Variants in SWI5 observed in about 807,000 individuals in gnomAD.
SWI5 encodes SWI5 homologous recombination repair protein, also known as DNA repair protein SWI5 homolog.
Under a neutral mutation model 17.0 loss-of-function variants are expected in SWI5, and 12 were observed. That is an observed-to-expected ratio of 0.71 (90% confidence interval 0.45 to 1.14). SWI5 has a LOEUF of 1.14. Among genes scored for constraint, SWI5 ranks in the 50% most tolerant of loss-of-function variants. SWI5 has a pLI of 0.00. For missense variants in SWI5, 158 were observed against 162.2 expected (o/e 0.97, Z 0.14); for synonymous variants, 61 against 64.0 (o/e 0.95, Z 0.22).
intron 2 of SWI5, among the ~76,000 whole-genome samples, chr9:128,277,079 C>G (rs963050627): frequency 6.6e-5 from 10 of 152,150 alleles, no homozygotes; most frequent in Admixed American, 3.3e-4. Flanking sequence ...CCTCACCCAG[C>G]CCTGCCTTTA....
At chr9:128,276,204 G>T (rs1487180438), upstream of SWI5, 1 of 1,605,102 alleles carries the variant, frequency 6.2e-7, no homozygotes, top group East Asian at 2.2e-5. Flanking sequence ...GCACGCAACC[G>T]CTGTCCCCGC....
intron 2 of SWI5, among the ~76,000 whole-genome samples, chr9:128,283,501 A>AACG (rs71867766): frequency 1.3e-3 from 8 of 6,132 alleles, no homozygotes; most frequent in African/African-American, 6.8e-3. Context: ...CGTCTCCAAA[A>AACG]ACAACAACAA....
intron 2 of SWI5, among the ~76,000 whole-genome samples, 162 bp downstream of exon 2, chr9:128,276,917 C>G (rs1247220612): frequency 6.6e-6 from 1 of 152,048 alleles, no homozygotes; most frequent in Non-Finnish European, 1.5e-5. Context: ...AATCCCTCCC[C>G]TTCCTTTCCT....
chr9:128,284,441 TG>T, intron 2 of SWI5, 68 bp from the exon 3 acceptor site: 1 of 1,564,606 alleles, frequency 6.4e-7, no homozygotes, highest in Non-Finnish European at 8.6e-7. Flanking sequence ...GAGTGACTAC[TG>T]GGGGACATGT....
chr9:128,278,962 G>A (rs980215229), intron 2 of SWI5, among the ~76,000 whole-genome samples: 1 of 87,638 alleles, frequency 1.1e-5, no homozygotes, highest in Admixed American at 1.0e-4. Context: ...TAGTAGAGAC[G>A]GTTTTGCCAT....
upstream of SWI5, chr9:128,276,073 A>G (rs575558180): frequency 6.4e-7 from 1 of 1,573,124 alleles, no homozygotes; most frequent in South Asian, 1.1e-5. Context: ...ACTGGAGCGC[A>G]GAATGGGGGC....
chr9:128,278,983 C>T lies in SWI5; in HGVS notation c.111+2228C>T, dbSNP rs191777493. ...AGACGGTTTTGCCATGTTGGCCAGG[C>T]TGGTCTCAAACTCCTGACCTCAGTG... is the stretch of plus-strand genomic sequence containing the variant. On this transcript the variant is annotated intron_variant, in intron 2 of 4. Coordinates refer to ENST00000418976, the Ensembl canonical transcript of SWI5. 1.6e-3 allele frequency among the ~76,000 whole-genome samples: 236 copies of T among 152,150 alleles called. 1 individual carries two copies. Among genetic ancestry groups the T allele is most frequent in the Non-Finnish European group, 2.0e-3 (134 of 67,998 alleles).
At chr9:128,276,891 C>A in intron 2 of SWI5, 136 bp downstream of exon 2, 1 of 905,592 alleles carries the variant, frequency 1.1e-6, no homozygotes, top group Non-Finnish European at 1.7e-6. Context: ...GACTGAGAAC[C>A]GCCAGGTCAT....
At chr9:128,283,474 G>A (rs1831578262) in intron 2 of SWI5, among the ~76,000 whole-genome samples, 1 of 150,026 alleles carries the variant, frequency 6.7e-6, no homozygotes, top group Non-Finnish European at 1.5e-5. Flanking sequence ...TCCAGCCTGG[G>A]CGACAGAGTG....
At chr9:128,275,558 G>T, upstream of SWI5, 2 of 1,226,988 alleles carry the variant, frequency 1.6e-6, no homozygotes, top group Admixed American at 3.8e-5. Context: ...ACTGGCGAGG[G>T]CAGGGGCTGA....
At chr9:128,280,513 A>ATT (rs777040297) in intron 2 of SWI5, among the ~76,000 whole-genome samples, 30,103 of 147,382 alleles carry the variant, frequency 0.2, 3,651 homozygotes, top group African/African-American at 0.35. Flanking sequence ...TTCTTTTTAA[A>ATT]AAAAAAAAAA....
upstream of SWI5, chr9:128,275,843 C>T: frequency 2.1e-6 from 2 of 954,656 alleles, no homozygotes; most frequent in African/African-American, 1.7e-5. Context: ...GTCCTGCCAT[C>T]GGAGTGGGGC....
intron 2 of SWI5, among the ~76,000 whole-genome samples, chr9:128,277,739 C>T (rs1178312667): frequency 6.6e-6 from 1 of 152,136 alleles, no homozygotes; most frequent in Non-Finnish European, 1.5e-5. Context: ...GCAAAGAGGG[C>T]TCTCCAGAGA....
At chr9:128,278,420 A>G (rs543286856) in intron 2 of SWI5, among the ~76,000 whole-genome samples, 1 of 152,252 alleles carries the variant, frequency 6.6e-6, no homozygotes, top group African/African-American at 2.4e-5. Context: ...TACAAAAATT[A>G]GCTGAGCATA....
rs1354361013 is a variant in SWI5 at position 128,285,975 on chromosome 9, C to G, written c.270C>G (p.Thr90=). ...TGGATGAACTGGAGGACCACATTAC[C>G]CAGCTTCACGAGTACAATGACATCA... The change falls in exon 4 of 5, where the codon ACC becomes ACG. Residue 90 remains threonine (T), a synonymous_variant. Transcript: ENST00000418976. This position sits in a 1 kb window ranked among gnomAD's most constrained non-coding sequence, Gnocchi z 4.8. The G allele has an allele frequency of 1.2e-6, 2 of 1,614,006 alleles. No individual in the cohort carries two copies. The highest frequency in any genetic ancestry group is 1.7e-6 in the Non-Finnish European group (2 of 1,179,988).
intron 2 of SWI5, among the ~76,000 whole-genome samples, chr9:128,279,127 G>A (rs1014578133): frequency 2.0e-5 from 3 of 152,080 alleles, no homozygotes; most frequent in Non-Finnish European, 2.9e-5. Context: ...CTATTTGCAG[G>A]AGCACCCTCC....
chr9:128,288,668 C>T (rs1831687119), exon 5 of SWI5: 1 of 1,614,034 alleles, frequency 6.2e-7, no homozygotes, highest in South Asian at 1.1e-5. Flanking sequence ...TCCGAGGTGT[C>T]ACCACCAAAG....
intron 2 of SWI5, among the ~76,000 whole-genome samples, chr9:128,284,182 G>A (rs57786310): frequency 0.14 from 20,836 of 150,928 alleles, 1,496 homozygotes; most frequent in East Asian, 0.19. Context: ...CCAGCTACTC[G>A]GGAGGCTGAG....
intron 4 of SWI5, among the ~76,000 whole-genome samples, chr9:128,288,159 T>C (rs1831677548): frequency 1.3e-5 from 2 of 152,054 alleles, no homozygotes; most frequent in South Asian, 4.1e-4. Context: ...GGAGAACCCT[T>C]CCTCAGGAGA....
Sources: gnomAD v4.1 joint callset for allele counts (sites outside exome capture counted in the v4.1 genomes callset) on GRCh38, gnomAD v4.1.1 for gene constraint, Gnocchi (gnomAD v3.1) non-coding constraint, MANE v1.5 for transcripts, NCBI Gene and HGNC (gene_info 2026-07-23, HGNC 2026-07-21) for gene names.